The following ASPRV1 variants were observed in gnomAD, a reference collection of about 807,000 sequenced individuals.
ASPRV1 encodes aspartic peptidase retroviral like 1.
In ASPRV1, 7 loss-of-function variants were observed where a neutral mutation model predicts 11.0. The observed-to-expected ratio is 0.64, with a 90% CI of 0.36 to 1.20. ASPRV1 has a LOEUF of 1.20. Among genes scored for constraint, ASPRV1 ranks in the 50% most tolerant of loss-of-function variants. The probability of loss-of-function intolerance (pLI) is 0.02; values close to 1 mark genes in which losing one functional copy is unlikely to be tolerated. For missense variants in ASPRV1, 299 were observed against 320.0 expected, an observed-to-expected ratio of 0.93 and a Z score of 0.50; for synonymous variants, 136 against 138.4, an observed-to-expected ratio of 0.98 and a Z score of 0.12.
At chr2:69,932,970 A>G in the ASPRV1 span, among the ~76,000 whole-genome samples, 5 of 152,214 alleles carry the variant, frequency 3.3e-5, no homozygotes, top group Non-Finnish European at 7.4e-5. Context: ...AGGCTGAGGC[A>G]GGCAGATTGC....
chr2:70,068,059 C>A, the ASPRV1 span, among the ~76,000 whole-genome samples: 1 of 152,224 alleles, frequency 6.6e-6, no homozygotes, highest in Non-Finnish European at 1.5e-5. Context: ...TAAGTCCACA[C>A]TCTATCCCAA....
At chr2:70,074,642 T>C in the ASPRV1 span, among the ~76,000 whole-genome samples, 6 of 151,808 alleles carry the variant, frequency 4.0e-5, no homozygotes, top group African/African-American at 1.5e-4. Flanking sequence ...ATATGGCAAG[T>C]TGGTGGCAGG....
the ASPRV1 span, chr2:70,087,169 G>A: frequency 4.6e-5 from 7 of 152,110 alleles, no homozygotes; most frequent in Non-Finnish European, 7.3e-5. Context: ...CCTCATGTAG[G>A]GCAGGAAAAT....
At chr2:70,060,952 T>C in the ASPRV1 span, among the ~76,000 whole-genome samples, 1 of 152,186 alleles carries the variant, frequency 6.6e-6, no homozygotes, top group Non-Finnish European at 1.5e-5. Flanking sequence ...CAGGAACAAG[T>C]TCCCTGCCCT....
At chr2:69,976,396 G>A in the ASPRV1 span, 1 of 152,278 alleles carries the variant, frequency 6.6e-6, no homozygotes, top group South Asian at 2.1e-4. Flanking sequence ...CGACCCTGAG[G>A]GCCCAGAGTC....
chr2:69,947,866 T>C, the ASPRV1 span, among the ~76,000 whole-genome samples: 1 of 152,078 alleles, frequency 6.6e-6, no homozygotes. Context: ...TGGGGCTCCT[T>C]TGGGGATATC....
downstream of ASPRV1, among the ~76,000 whole-genome samples, chr2:69,958,636 T>A (rs1677992029): frequency 6.7e-6 from 1 of 148,622 alleles, no homozygotes; most frequent in Admixed American, 6.7e-5. Flanking sequence ...CCAAAGGACC[T>A]GGAGGAAAAT....
the ASPRV1 span, among the ~76,000 whole-genome samples, chr2:70,043,680 G>T: frequency 6.6e-6 from 1 of 152,226 alleles, no homozygotes; most frequent in Admixed American, 6.5e-5. Flanking sequence ...TGTTGCCACT[G>T]GTGGCCTCTT....
the ASPRV1 span, among the ~76,000 whole-genome samples, chr2:70,079,146 T>C: frequency 2.0e-5 from 3 of 152,176 alleles, no homozygotes; most frequent in African/African-American, 4.8e-5. Flanking sequence ...AACAAACTAT[T>C]AGACACCCAA....
chr2:70,035,819 G>A, the ASPRV1 span, among the ~76,000 whole-genome samples: 1 of 151,570 alleles, frequency 6.6e-6, no homozygotes, highest in African/African-American at 2.4e-5. Flanking sequence ...AAATACACAA[G>A]TGGAGGTACC....
chr2:69,937,269 A>T, the ASPRV1 span: 1 of 1,614,184 alleles, frequency 6.2e-7, no homozygotes, highest in African/African-American at 1.3e-5. Flanking sequence ...GCCGTTCACC[A>T]AATCGACCAG....
At chr2:69,944,781 T>C in the ASPRV1 span, among the ~76,000 whole-genome samples, 6 of 149,508 alleles carry the variant, frequency 4.0e-5, no homozygotes, top group South Asian at 6.2e-4. Context: ...AACTTCCCTC[T>C]GTGCCTATTG....
the ASPRV1 span, among the ~76,000 whole-genome samples, chr2:70,005,920 T>C: frequency 1.3e-5 from 2 of 152,172 alleles, no homozygotes; most frequent in Admixed American, 6.5e-5. Flanking sequence ...TCAGGAGCCA[T>C]GGGGGAGAGC....
chr2:70,007,200 C>T, the ASPRV1 span, among the ~76,000 whole-genome samples: 1 of 152,150 alleles, frequency 6.6e-6, no homozygotes, highest in East Asian at 1.9e-4. Context: ...ACTGGGTAGC[C>T]ATTGAAAGAA....
At chr2:70,000,090 C>CT in the ASPRV1 span, among the ~76,000 whole-genome samples, 3 of 152,292 alleles carry the variant, frequency 2.0e-5, no homozygotes, top group East Asian at 5.8e-4. Flanking sequence ...TTTGGAAAGC[C>CT]TATACAGACT....
chr2:69,977,322 A>T, the ASPRV1 span, among the ~76,000 whole-genome samples: 6 of 152,226 alleles, frequency 3.9e-5, no homozygotes, highest in African/African-American at 1.4e-4. Flanking sequence ...AACAACATAA[A>T]GGCACTGACA....
At chr2:70,044,517 T>C in the ASPRV1 span, among the ~76,000 whole-genome samples, 2 of 152,214 alleles carry the variant, frequency 1.3e-5, no homozygotes, top group African/African-American at 2.4e-5. Context: ...TAGAGTGCAA[T>C]GACACGATCT....
At chr2:70,061,231 A>G in the ASPRV1 span, among the ~76,000 whole-genome samples, 5 of 152,082 alleles carry the variant, frequency 3.3e-5, no homozygotes, top group Admixed American at 2.6e-4. Context: ...CCCCGTCTCC[A>G]TGAAAAATAC....
chr2:70,063,892 A>T, the ASPRV1 span: 8 of 152,070 alleles, frequency 5.3e-5, no homozygotes, highest in South Asian at 6.2e-4. Context: ...TCCTTCTTAC[A>T]CTCTACTCAC....
Sources: allele counts gnomAD v4.1 joint callset (sites outside exome capture counted in the v4.1 genomes callset), GRCh38; gene constraint gnomAD v4.1.1; transcripts MANE v1.5; gene names NCBI Gene and HGNC (gene_info 2026-07-23, HGNC 2026-07-21).